Variants in CAMSAP1 observed in about 807,000 individuals in gnomAD.
The protein encoded by CAMSAP1 is calmodulin-regulated spectrin-associated protein 1.
CAMSAP1 carries 58 observed loss-of-function variants against 143.5 expected under a neutral mutation model. That is an observed-to-expected ratio of 0.40 (90% confidence interval 0.33 to 0.50). The LOEUF (loss-of-function observed/expected upper bound fraction) is 0.50. CAMSAP1 is among the 20% of genes least tolerant of loss of function. CAMSAP1 has a pLI of 0.45. For missense variants in CAMSAP1, 1,969 were observed against 2,115.7 expected, an observed-to-expected ratio of 0.93 and a Z score of 1.36; for synonymous variants, 945 against 859.3, an observed-to-expected ratio of 1.10 and a Z score of -1.74.
chr9:135,816,565 A>G (rs571597001), intron 14 of CAMSAP1, among the ~76,000 whole-genome samples: 2 of 152,210 alleles, frequency 1.3e-5, no homozygotes, highest in African/African-American at 4.8e-5. Flanking sequence ...TGCTCTCACA[A>G]GGGAGGCAGA....
Position 135,826,147 on chromosome 9 carries a change from A to G in CAMSAP1, c.1223+1260T>C, listed in dbSNP as rs10156660. On this transcript the variant is annotated intron_variant, in intron 8 of 16. Transcript: ENST00000389532. This position sits in a 1 kb window ranked among gnomAD's most constrained non-coding sequence, Gnocchi z 4.4. ...CACCACAGGCTGCTGGGTGCAGACA[A>G]CAGGGTGCAGACAGCAGGTCACAGA... 0.35 allele frequency: 53,023 copies of G among 152,230 alleles called. 10,826 individuals are homozygous for G. The highest frequency in any genetic ancestry group is 0.58 in the African/African-American group (23,846 of 41,392). 9.4% of individuals were successfully genotyped at this position (152,230 alleles called of 1,614,324 possible). A position where few individuals can be genotyped will look rare whatever the true frequency, so the allele number is the denominator to read the frequency against.
intron 4 of CAMSAP1, among the ~76,000 whole-genome samples, chr9:135,864,186 C>T (rs1409238083): frequency 6.6e-6 from 1 of 152,212 alleles, no homozygotes; most frequent in Non-Finnish European, 1.5e-5. Flanking sequence ...TAACATGTTT[C>T]TGTTTTTATA....
chr9:135,903,256 T>C (rs1838671041), intron 1 of CAMSAP1, among the ~76,000 whole-genome samples: 1 of 152,218 alleles, frequency 6.6e-6, no homozygotes, highest in Non-Finnish European at 1.5e-5. Context: ...CACCACAAAA[T>C]GTGATGACTA....
intron 7 of CAMSAP1, among the ~76,000 whole-genome samples, chr9:135,829,848 G>GTCAT (rs1394708568): frequency 3.4e-5 from 3 of 88,806 alleles, no homozygotes; most frequent in Non-Finnish European, 4.8e-5. Flanking sequence ...GCGAGACTCT[G>GTCAT]TCATAAATAA....
chr9:135,905,990 G>T (rs537607178), intron 1 of CAMSAP1, among the ~76,000 whole-genome samples: 1 of 152,290 alleles, frequency 6.6e-6, no homozygotes, highest in South Asian at 2.1e-4. Flanking sequence ...ACTGAAAACT[G>T]TCAAAGGAAA....
In CAMSAP1 at chr9:135,809,261, G is replaced by A. The variant is rs1053791332; in HGVS notation, c.*2048C>T. The A allele has an allele frequency of 1.3e-5, 2 of 152,148 alleles. No homozygotes were observed. Among genetic ancestry groups the A allele is most frequent in the Non-Finnish European group, 1.5e-5 (1 of 68,044 alleles). The allele number at this position is 152,148 out of a possible 1,614,324, so 9.4% of individuals were successfully genotyped here. On this transcript the variant is annotated 3_prime_UTR_variant, in exon 17 of 17. Coordinates refer to ENST00000389532, the MANE Select transcript of CAMSAP1 (RefSeq NM_015447.4). Reference sequence around the variant, plus strand: ...AGGCGAACACTGGCCTGGGGACTTGGGACATCAGGAATGTCCATGCCACAT... The same window carrying A: ...AGGCGAACACTGGCCTGGGGACTTGAGACATCAGGAATGTCCATGCCACAT...
At position 135,821,044 on chromosome 9, in the gene CAMSAP1, T is replaced by C; in HGVS notation, c.3617A>G (p.Lys1206Arg). 1 of 1,613,948 alleles carries C rather than the reference T, an allele frequency of 6.2e-7. No individual in the cohort carries two copies. Among genetic ancestry groups the C allele is most frequent in the Non-Finnish European group, 8.5e-7 (1 of 1,179,864 alleles). The change falls in exon 11 of 17, where the codon AAG becomes AGG. Residue 1206 changes from lysine to arginine, a missense_variant. By Grantham distance (26) the Lys-to-Arg change is conservative. Around this residue, in one of 4 missense-constraint regions of CAMSAP1, gnomAD observed 1,390 missense variants for 1,420.8 expected, o/e 0.98. Coordinates refer to ENST00000389532, the MANE Select transcript of CAMSAP1 (RefSeq NM_015447.4). The surrounding 1 kb of genome is among the most constrained non-coding windows in gnomAD (Gnocchi z 4.6). The part of the protein sequence containing the change: ...SLKEVLDASV[K>R]EVGSSSSDVS... ...ATCTGAGGAGCTGGACCCCACCTCC[T>C]TCACACTCGCATCCAGAACTTCTTT...
rs35981196 is a variant in CAMSAP1 at position 135,850,231 on chromosome 9, C to T, written c.951G>A (p.Pro317=). The T allele has an allele frequency of 4.3e-6, 7 of 1,612,434 alleles. No individual in the cohort carries two copies. The highest frequency in any genetic ancestry group is 5.9e-6 in the Non-Finnish European group (7 of 1,179,364). ...GCTCCGCAATAAAAACCATAACATT[C>T]GGCTAAAAGACAAAAACAAAAAACC... The part of the protein sequence containing the change: ...DMLYAPLVLK[P]NVMVFIAELF... Residue 317 remains proline, a splice_region_variant and synonymous_variant, in exon 7 of 17, where the codon CCG becomes CCA. Transcript: ENST00000389532.
Position 135,822,587 on chromosome 9 carries a change from G to T in CAMSAP1, c.2074C>A (p.Pro692Thr), listed in dbSNP as rs1835516288. 6.2e-7 allele frequency: 1 copy of T among 1,613,404 alleles called. No individual in the cohort carries two copies. Residue 692 changes from proline (P) to threonine (T), a missense_variant, in exon 11 of 17, where the codon CCC (proline) becomes ACC (threonine). Pro to Thr is a conservative substitution (Grantham distance 38). This residue lies in a region of CAMSAP1 where 1,390 missense variants were observed against 1,420.8 expected (regional missense o/e 0.98). Transcript: ENST00000389532. This position sits in a 1 kb window ranked among gnomAD's most constrained non-coding sequence, Gnocchi z 6.1. The stretch of plus-strand genomic sequence containing the variant: ...AAGCCATCCGTGGATGGTCCCTGGG[G>T]GAACGGATCGAATCCGCCAAGGGCC... ...PLALGGFDPF[P>T]QGPSTDGFFL...
chr9:135,827,468 C>T lies in CAMSAP1; in HGVS notation c.1162G>A (p.Val388Met), dbSNP rs745808873. The T allele has an allele frequency of 3.9e-5, 62 of 1,608,642 alleles. No individual in the cohort carries two copies. The East Asian group carries it at 4.5e-4, about 12-fold the overall frequency. The part of the protein sequence containing the change: ...AGTLAELQPP[V>M]QLPAEGCHRH... ...TGACAGCCTTCCGCCGGCAGCTGCA[C>T]GGGGGGCTGCAGCTCAGCCAGGGTC... is the stretch of plus-strand genomic sequence containing the variant. The change falls in exon 8 of 17, where the codon GTG (valine) becomes ATG (methionine). Residue 388 changes from valine (V) to methionine (M), a missense_variant. Val to Met is a conservative substitution (Grantham distance 21). Transcript: ENST00000389532.
At chr9:135,852,845 T>C (rs1212296539) in intron 5 of CAMSAP1, among the ~76,000 whole-genome samples, 4 of 152,100 alleles carry the variant, frequency 2.6e-5, no homozygotes, top group Non-Finnish European at 2.9e-5. Context: ...TTATGACCTA[T>C]TGAATAAAGT....
At chr9:135,847,795 C>T (rs749119339) in intron 7 of CAMSAP1, among the ~76,000 whole-genome samples, 6 of 87,302 alleles carry the variant, frequency 6.9e-5, no homozygotes, top group African/African-American at 9.7e-5. Context: ...CACGTGTATA[C>T]CTATGTAACA....
At chr9:135,823,717 C>G (rs1445786792) in intron 10 of CAMSAP1, among the ~76,000 whole-genome samples, 1 of 152,204 alleles carries the variant, frequency 6.6e-6, no homozygotes, top group Non-Finnish European at 1.5e-5. Flanking sequence ...CTGACTCCAC[C>G]TGCTGCCACA....
chr9:135,890,013 G>T (rs1838238132), intron 1 of CAMSAP1, among the ~76,000 whole-genome samples: 1 of 152,172 alleles, frequency 6.6e-6, no homozygotes. Flanking sequence ...TGGAGCAAAG[G>T]TGGGCAAAGG....
chr9:135,819,141 T>C lies in CAMSAP1; in HGVS notation c.3828A>G (p.Glu1276=), dbSNP rs778688713. The C allele has an allele frequency of 3.2e-5, 51 of 1,601,278 alleles. 1 individual carries two copies. In the Middle Eastern group the frequency reaches 5.0e-4, roughly 16 times the overall value. ...KPGVGFFFKD[E]QKAEDELAKK... The stretch of plus-strand genomic sequence containing the variant: ...TGGCGAGCTCATCTTCCGCTTTCTG[T>C]TCATCCTGCAAGACAGAGGCCACAC... The change falls in exon 12 of 17, where the codon GAA becomes GAG. Residue 1276 remains glutamate, a synonymous_variant. Coordinates refer to ENST00000389532, the MANE Select transcript of CAMSAP1 (RefSeq NM_015447.4).
At chr9:135,900,941 A>C (rs1290520622) in intron 1 of CAMSAP1, among the ~76,000 whole-genome samples, 2 of 151,780 alleles carry the variant, frequency 1.3e-5, no homozygotes, top group Non-Finnish European at 2.9e-5. Context: ...TTTAGTAGAG[A>C]CGGGGTTTCA....
intron 1 of CAMSAP1, among the ~76,000 whole-genome samples, chr9:135,888,019 T>G (rs1022577426): frequency 1.3e-5 from 2 of 152,038 alleles, no homozygotes; most frequent in African/African-American, 4.8e-5. Context: ...CAACACTAAG[T>G]GCAGGAGGAA....
Position 135,904,700 on chromosome 9 carries a change from G to A in CAMSAP1, c.160+2300C>T, listed in dbSNP as rs144761917. On this transcript the variant is annotated intron_variant, in intron 1 of 16. Transcript: ENST00000389532. ...GAAGTGGAAACCAGCCAGGCGTGGT[G>A]GCTCACACCTGTAATCCCAGCACTT... Among the ~76,000 whole-genome samples the A allele has an allele frequency of 3.7e-4, 56 of 152,190 alleles. No homozygotes were observed. The East Asian group carries it at 0.01, about 28-fold the overall frequency.
chr9:135,854,630 C>T (rs1057469712), intron 5 of CAMSAP1, among the ~76,000 whole-genome samples: 1 of 152,020 alleles, frequency 6.6e-6, no homozygotes, highest in African/African-American at 2.4e-5. Flanking sequence ...GCCAAGCTAA[C>T]TTTTTAATTT....
Sources: allele counts gnomAD v4.1 joint callset (sites outside exome capture counted in the v4.1 genomes callset), GRCh38; gene constraint gnomAD v4.1.1; regional missense constraint gnomAD v4.1.1; non-coding constraint Gnocchi (gnomAD v3.1); transcripts MANE v1.5; gene names NCBI Gene and HGNC (gene_info 2026-07-23, HGNC 2026-07-21).